The following EPHB4 variants were observed in gnomAD, a reference collection of about 807,000 sequenced individuals.
EPHB4 encodes ephrin type-B receptor 4.
Under a neutral mutation model 110.6 loss-of-function variants are expected in EPHB4, and 50 were observed. That is an observed-to-expected ratio of 0.45 (90% confidence interval 0.36 to 0.57). The LOEUF is 0.57. Among genes scored for constraint, EPHB4 ranks in the 20% least tolerant of loss-of-function variants. The pLI is 0.00. For missense variants in EPHB4, 1,128 were observed against 1,382.1 expected, an observed-to-expected ratio of 0.82 and a Z score of 2.91; for synonymous variants, 592 against 578.4, an observed-to-expected ratio of 1.02 and a Z score of -0.34.
At chr7:100,805,030 T>C in intron 16 of EPHB4, 136 bp downstream of exon 16, 1 of 1,208,966 alleles carries the variant, frequency 8.3e-7, no homozygotes, top group Non-Finnish European at 1.1e-6. Context: ...GGGGCCCTTC[T>C]AGGCATGGCA....
At chr7:100,824,320 A>G in intron 1 of EPHB4, 47 bp from the exon 2 acceptor site, 1 of 1,600,228 alleles carries the variant, frequency 6.2e-7, no homozygotes. Flanking sequence ...TGGGGGAGGG[A>G]GGTCAGGAAG....
rs542089930 is a variant in EPHB4 at position 100,823,819 on chromosome 7, G to A, written c.236C>T (p.Pro79Leu). 110 of 1,613,340 alleles carry A rather than the reference G, an allele frequency of 6.8e-5. No homozygotes were observed. Among genetic ancestry groups the A allele is most frequent in the Middle Eastern group, 1.7e-4 (1 of 6,058 alleles). ...QAHWLRTGWV[P>L]RRGAVHVYAT... Reference sequence around the variant, plus strand: ...GTACACGTGGACGGCGCCCCGCCGTGGGACCCAACCTGTGCGAAGCCAGTG... The same window carrying A: ...GTACACGTGGACGGCGCCCCGCCGTAGGACCCAACCTGTGCGAAGCCAGTG... The change falls in exon 3 of 17, where the codon CCA becomes CTA. Residue 79 changes from proline (P) to leucine (L), a missense_variant. By Grantham distance (98) the Pro-to-Leu change is moderately conservative. Around this residue, in one of 3 missense-constraint regions of EPHB4, gnomAD observed 728 missense variants for 828.6 expected, o/e 0.88. Transcript: ENST00000358173.
At chr7:100,826,410 C>A (rs1211798708) in intron 1 of EPHB4, among the ~76,000 whole-genome samples, 3 of 152,028 alleles carry the variant, frequency 2.0e-5, no homozygotes, top group African/African-American at 7.3e-5. Flanking sequence ...CAAGGAGCCA[C>A]CCTATACCAG....
At chr7:100,819,433 C>T in intron 6 of EPHB4, 124 bp downstream of exon 6, 3 of 1,137,014 alleles carry the variant, frequency 2.6e-6, no homozygotes, top group East Asian at 4.8e-5. Flanking sequence ...TGCCTCTTGC[C>T]CCCAAAGCCT....
intron 6 of EPHB4, among the ~76,000 whole-genome samples, chr7:100,819,106 C>G (rs574829310): frequency 6.6e-6 from 1 of 151,918 alleles, no homozygotes; most frequent in South Asian, 2.1e-4. Flanking sequence ...CTCACCCTCT[C>G]TTTCTTATTC....
chr7:100,823,273 G>T (rs1442598782), intron 3 of EPHB4, among the ~76,000 whole-genome samples: 2 of 152,172 alleles, frequency 1.3e-5, no homozygotes, highest in South Asian at 4.1e-4. Flanking sequence ...AAGTAGGGGT[G>T]TGAGAGGCAG....
At chr7:100,805,140 C>T (rs367985931) in intron 16 of EPHB4, 26 bp downstream of exon 16, 94 of 1,607,254 alleles carry the variant, frequency 5.8e-5, no homozygotes, top group South Asian at 1.3e-4. Context: ...TCTCCCAGCC[C>T]CACTCCAGCT....
At chr7:100,824,067 C>A in intron 2 of EPHB4, 136 bp from the exon 3 acceptor site, 1 of 1,527,188 alleles carries the variant, frequency 6.5e-7, no homozygotes, top group South Asian at 1.2e-5. Flanking sequence ...CTGAGAAGGG[C>A]TCAGACGACA....
rs1812823827 is a variant in EPHB4, at chr7:100,806,649, C to G, written c.2335-80G>C. 5.3e-6 allele frequency: 8 copies of G among 1,498,196 alleles called. No individual in the cohort carries two copies. In the South Asian group the frequency reaches 1.0e-4, roughly 19 times the overall value. 92.8% of individuals were successfully genotyped at this position (1,498,196 alleles called of 1,614,324 possible). On this transcript the variant is annotated intron_variant, in intron 13 of 16. Transcript: ENST00000358173. ...CCCAGCACACTGCCCCCCAGTCCCC[C>G]ACCTGCCTCTGCTTTTTCCCCCTAG...
chr7:100,819,464 G>T, intron 6 of EPHB4, 93 bp downstream of exon 6: 2 of 1,409,052 alleles, frequency 1.4e-6, no homozygotes, highest in East Asian at 2.3e-5. Flanking sequence ...CACTTCCGGG[G>T]TACCCAACTT....
At chr7:100,823,599 G>C (rs1348158528) in intron 3 of EPHB4, 45 bp downstream of exon 3, 1 of 1,592,334 alleles carries the variant, frequency 6.3e-7, no homozygotes. Flanking sequence ...CTGCTGGCTG[G>C]AATCCCACCT....
Position 100,813,442 on chromosome 7 carries a change from A to C in EPHB4, c.1756+210T>G. 14 of 679,964 alleles carry C rather than the reference A, an allele frequency of 2.1e-5. 2 individuals carry two copies. In the South Asian group the frequency reaches 2.3e-4, roughly 11 times the overall value. The allele number at this position is 679,964 out of a possible 1,614,324, so 42.1% of individuals were successfully genotyped here. A position where few individuals can be genotyped will look rare whatever the true frequency, so the allele number is the denominator to read the frequency against. ...ATGATTCTTCTGCCTCAGCCTCCTGAGTAGCTGGGATTACAGGTGCCCACC... is the reference window on the plus strand; with the variant it reads ...ATGATTCTTCTGCCTCAGCCTCCTGCGTAGCTGGGATTACAGGTGCCCACC... On this transcript the variant is annotated intron_variant, in intron 10 of 16. Coordinates refer to ENST00000358173, the MANE Select transcript of EPHB4 (RefSeq NM_004444.5).
At chr7:100,814,750 C>T (rs191805562) in intron 8 of EPHB4, among the ~76,000 whole-genome samples, 1 of 152,298 alleles carries the variant, frequency 6.6e-6, no homozygotes, top group East Asian at 1.9e-4. Context: ...AGCAGTGGCT[C>T]ATGCCTGTAA....
chr7:100,823,484 G>A (rs1291083018), intron 3 of EPHB4, among the ~76,000 whole-genome samples, 160 bp downstream of exon 3: 1 of 152,154 alleles, frequency 6.6e-6, no homozygotes, highest in African/African-American at 2.4e-5. Context: ...CCTCCGCCCA[G>A]AAGATCACCC....
At chr7:100,813,305 GGTT>G (rs1562969467) in intron 10 of EPHB4, 97 bp from the exon 11 acceptor site, 4 of 614,760 alleles carry the variant, frequency 6.5e-6, no homozygotes, top group Non-Finnish European at 9.8e-6. Context: ...CTGTCTCCGT[GGTT>G]TTTTTTTTTT....
intron 12 of EPHB4, among the ~76,000 whole-genome samples, chr7:100,811,093 T>C (rs1464407050): frequency 6.7e-6 from 1 of 148,876 alleles, no homozygotes; most frequent in Non-Finnish European, 1.5e-5. Flanking sequence ...CTACTAAAAA[T>C]ACAAACATCA....
At chr7:100,824,512 T>G in intron 1 of EPHB4, 1 of 527,896 alleles carries the variant, frequency 1.9e-6, no homozygotes, top group Non-Finnish European at 3.4e-6. Context: ...ACCCCAGATC[T>G]AGGCCTCCCT....
intron 8 of EPHB4, among the ~76,000 whole-genome samples, chr7:100,816,806 G>C (rs1813080601): frequency 6.6e-6 from 1 of 152,096 alleles, no homozygotes; most frequent in African/African-American, 2.4e-5. Flanking sequence ...GACTTTGACC[G>C]GGTGCAGTGG....
intron 2 of EPHB4, 113 bp downstream of exon 2, chr7:100,824,090 C>T: frequency 4.5e-6 from 7 of 1,541,720 alleles, no homozygotes; most frequent in Non-Finnish European, 6.2e-6. Flanking sequence ...GCTGGGGCTG[C>T]TGTCATCTGG....
Sources: allele counts gnomAD v4.1 joint callset (sites outside exome capture counted in the v4.1 genomes callset), GRCh38; gene constraint gnomAD v4.1.1; regional missense constraint gnomAD v4.1.1; transcripts MANE v1.5; gene names NCBI Gene and HGNC (gene_info 2026-07-23, HGNC 2026-07-21).